KCNJ6: variants seen among roughly 807,000 people sequenced by gnomAD.
KCNJ6 encodes G protein-activated inward rectifier potassium channel 2.
In KCNJ6, 9 loss-of-function variants were observed where a neutral mutation model predicts 34.2. The observed-to-expected ratio is 0.26, with a 90% CI of 0.16 to 0.46. The LOEUF is 0.46. Among genes scored for constraint, KCNJ6 ranks in the 20% least tolerant of loss-of-function variants. The pLI, the probability that KCNJ6 is intolerant of heterozygous loss-of-function variation, is 1.00. For missense variants in KCNJ6, 236 were observed against 531.3 expected, an observed-to-expected ratio of 0.44 and a Z score of 5.46; for synonymous variants, 196 against 207.1, an observed-to-expected ratio of 0.95 and a Z score of 0.46.
chr21:37,684,837 C>T, intron 3 of KCNJ6, among the ~76,000 whole-genome samples: 1 of 152,156 alleles, frequency 6.6e-6, no homozygotes, highest in Non-Finnish European at 1.5e-5. Context: ...TATGAGAAAA[C>T]AAGGGAGAAT....
chr21:37,748,949 T>C (rs573104132), intron 2 of KCNJ6, among the ~76,000 whole-genome samples: 3 of 152,308 alleles, frequency 2.0e-5, no homozygotes, highest in South Asian at 2.1e-4. Flanking sequence ...TTAATAGGTA[T>C]AGAGCTATCA....
intron 3 of KCNJ6, among the ~76,000 whole-genome samples, chr21:37,637,949 A>G (rs1007556382): frequency 2.0e-5 from 3 of 152,290 alleles, no homozygotes; most frequent in African/African-American, 7.2e-5. Context: ...AGCCTCTAGA[A>G]CTGTAAGGAA....
At chr21:37,866,154 A>G (rs2055621752) in intron 1 of KCNJ6, among the ~76,000 whole-genome samples, 1 of 152,086 alleles carries the variant, frequency 6.6e-6, no homozygotes, top group Admixed American at 6.5e-5. Flanking sequence ...TTCCCTGAGA[A>G]AAGAAGACAT....
At position 37,607,482 on chromosome 21, in the gene KCNJ6, A is replaced by ATATATATTTTTTT; in HGVS notation, c.*17676_*17677insAAAAAAATATATA. 13 of 136,764 alleles carry ATATATATTTTTTT rather than the reference A, an allele frequency of 9.5e-5. No homozygotes were observed. Among genetic ancestry groups the ATATATATTTTTTT allele is most frequent in the South Asian group, 2.4e-4 (1 of 4,158 alleles). The allele number at this position is 136,764 out of a possible 1,614,324, so 8.5% of individuals were successfully genotyped here. ...CTTAAAGATATATATATATATATAT[A>ATATATATTTTTTT]TTTTTTTTTTATTTTAAAAAAATTT... On this transcript the variant is annotated 3_prime_UTR_variant, in exon 4 of 4. Coordinates refer to ENST00000609713, the MANE Select transcript of KCNJ6 (RefSeq NM_002240.5).
intron 2 of KCNJ6, among the ~76,000 whole-genome samples, chr21:37,737,149 C>T (rs551704606): frequency 6.6e-6 from 1 of 152,294 alleles, no homozygotes; most frequent in African/African-American, 2.4e-5. Context: ...CTGAGGTCCT[C>T]ACTGTGCATC....
chr21:37,691,773 TGTGCTCACAGGAAAGCACAGCC>T lies in KCNJ6; in HGVS notation c.946+22416_946+22437del, dbSNP rs569554947. 4.1e-3 allele frequency among the ~76,000 whole-genome samples: 617 copies of T among 152,272 alleles called. 2 individuals carry two copies. Among genetic ancestry groups the T allele is most frequent in the Non-Finnish European group, 5.1e-3 (348 of 68,014 alleles). ...GAATCTGTGTGAGTAACCGCGCACC[TGTGCTCACAGGAAAGCACAGCC>T]GTTAGAACTCCTTAGACCCTGCAGG... is the stretch of plus-strand genomic sequence containing the variant. On this transcript the variant is annotated intron_variant, in intron 3 of 3. Coordinates refer to ENST00000609713, the MANE Select transcript of KCNJ6 (RefSeq NM_002240.5).
chr21:37,631,338 G>A (rs958091802), intron 3 of KCNJ6, among the ~76,000 whole-genome samples: 2 of 152,184 alleles, frequency 1.3e-5, no homozygotes, highest in Non-Finnish European at 2.9e-5. Flanking sequence ...TGCTTCCAGC[G>A]TCATGTCTGT....
At chr21:37,649,481 A>T (rs923649683) in intron 3 of KCNJ6, among the ~76,000 whole-genome samples, 2 of 152,224 alleles carry the variant, frequency 1.3e-5, no homozygotes, top group Non-Finnish European at 2.9e-5. Context: ...CTCAGCAGCA[A>T]TCCCATGACG....
intron 2 of KCNJ6, among the ~76,000 whole-genome samples, chr21:37,766,058 G>A (rs181967578): frequency 1.4e-3 from 210 of 152,260 alleles, no homozygotes; most frequent in Non-Finnish European, 2.3e-3. Flanking sequence ...TTACCAGCAC[G>A]CCACTAGTTA....
At chr21:37,793,827 G>A (rs193042286) in intron 2 of KCNJ6, among the ~76,000 whole-genome samples, 2 of 152,192 alleles carry the variant, frequency 1.3e-5, no homozygotes, top group Admixed American at 6.5e-5. Flanking sequence ...AAGGGCCGGT[G>A]CCTAACTCAC....
chr21:37,673,548 C>T (rs1400659930), intron 3 of KCNJ6, among the ~76,000 whole-genome samples: 1 of 152,216 alleles, frequency 6.6e-6, no homozygotes, highest in Non-Finnish European at 1.5e-5. Context: ...TGGCTGGGCT[C>T]ACTTGTGTCT....
Position 37,730,928 on chromosome 21 carries a change from G to A in KCNJ6, c.26-15797C>T, listed in dbSNP as rs571546074. Among the ~76,000 whole-genome samples, 60 of 152,314 alleles carry A rather than the reference G, an allele frequency of 3.9e-4. 1 individual carries two copies. Among genetic ancestry groups the A allele is most frequent in the African/African-American group, 1.3e-3 (56 of 41,570 alleles). On this transcript the variant is annotated intron_variant, in intron 2 of 3. Transcript: ENST00000609713. ...GGGCAGGGCACAACAGCCCACAGGG[G>A]GAGTATTGACCCGTCTTACAGATGA...
chr21:37,894,464 A>G (rs2055778065), intron 1 of KCNJ6, among the ~76,000 whole-genome samples: 1 of 152,176 alleles, frequency 6.6e-6, no homozygotes. Flanking sequence ...GGAGTTCAAG[A>G]CCAGCCTGGC....
At chr21:37,908,089 T>A (rs1361716253) in intron 1 of KCNJ6, among the ~76,000 whole-genome samples, 1 of 152,244 alleles carries the variant, frequency 6.6e-6, no homozygotes, top group African/African-American at 2.4e-5. Flanking sequence ...TGTTTCATTT[T>A]GATAATGTTT....
chr21:37,700,245 G>T (rs1023668676), intron 3 of KCNJ6, among the ~76,000 whole-genome samples: 2 of 152,190 alleles, frequency 1.3e-5, no homozygotes, highest in African/African-American at 4.8e-5. Context: ...GTTCCATAGG[G>T]GTGGCATTTG....
intron 1 of KCNJ6, among the ~76,000 whole-genome samples, chr21:37,870,982 C>CTA (rs1408365633): frequency 6.6e-6 from 1 of 152,196 alleles, no homozygotes; most frequent in African/African-American, 2.4e-5. Flanking sequence ...TTATCTCTAT[C>CTA]TACCCAGATT....
At chr21:37,850,069 A>G (rs147201437) in intron 1 of KCNJ6, among the ~76,000 whole-genome samples, 1,561 of 152,336 alleles carry the variant, frequency 0.01, 20 homozygotes, top group Non-Finnish European at 0.012. Flanking sequence ...GTAGTGCAAT[A>G]CAATGACCTG....
chr21:37,669,577 TTGTG>T (rs35169360), intron 3 of KCNJ6, among the ~76,000 whole-genome samples: 71 of 149,150 alleles, frequency 4.8e-4, no homozygotes, highest in African/African-American at 1.5e-3. Flanking sequence ...TCTGTGTGTG[TTGTG>T]TGTGTGTGTG....
At chr21:37,857,349 T>G (rs1231918280) in intron 1 of KCNJ6, among the ~76,000 whole-genome samples, 3 of 152,184 alleles carry the variant, frequency 2.0e-5, no homozygotes, top group Non-Finnish European at 2.9e-5. Context: ...CCTGGGGGCA[T>G]AGTCAAAGCA....
Sources: gnomAD v4.1 joint callset for allele counts (sites outside exome capture counted in the v4.1 genomes callset) on GRCh38, gnomAD v4.1.1 for gene constraint, MANE v1.5 for transcripts, NCBI Gene and HGNC (gene_info 2026-07-23, HGNC 2026-07-21) for gene names.